GNPTAB: variants seen among roughly 807,000 people sequenced by gnomAD.
GNPTAB encodes the protein N-acetylglucosamine-1-phosphotransferase subunits alpha/beta.
In GNPTAB, 92 loss-of-function variants were observed where a neutral mutation model predicts 136.6. The observed-to-expected ratio is 0.67, with a 90% CI of 0.57 to 0.80. The LOEUF is 0.80. Among genes scored for constraint, GNPTAB ranks in the 30% least tolerant of loss-of-function variants. GNPTAB has a pLI of 0.00. For missense variants in GNPTAB, 1,343 were observed against 1,501.8 expected, an observed-to-expected ratio of 0.89 and a Z score of 1.75; for synonymous variants, 512 against 535.1, an observed-to-expected ratio of 0.96 and a Z score of 0.60.
chr12:101,770,307 G>A, intron 9 of GNPTAB, 99 bp downstream of exon 9: 1 of 1,368,904 alleles, frequency 7.3e-7, no homozygotes, highest in Non-Finnish European at 1.0e-6. Flanking sequence ...AGAAATGGAG[G>A]TAGAAGGGTA....
intron 3 of GNPTAB, 117 bp from the exon 4 acceptor site, chr12:101,788,706 C>A: frequency 1.5e-6 from 1 of 686,638 alleles, no homozygotes; most frequent in Non-Finnish European, 2.7e-6. Flanking sequence ...AACATGGTAC[C>A]AGGCTGTCAG....
intron 1 of GNPTAB, among the ~76,000 whole-genome samples, chr12:101,827,508 T>C (rs1871152121): frequency 6.6e-6 from 1 of 152,076 alleles, no homozygotes; most frequent in Non-Finnish European, 1.5e-5. Flanking sequence ...AGTCCTGGGA[T>C]TACAGGCATG....
chr12:101,811,933 C>T (rs988951547), intron 1 of GNPTAB, among the ~76,000 whole-genome samples: 4 of 150,142 alleles, frequency 2.7e-5, no homozygotes, highest in African/African-American at 7.3e-5. Flanking sequence ...CCGCTGCGTC[C>T]GGCCGGTGCT....
rs1203561820 is a variant in GNPTAB at position 101,757,289 on chromosome 12, T to G, written c.3357A>C (p.Glu1119Asp). The change falls in exon 18 of 21, where the codon GAA (glutamate) becomes GAC (aspartate). Residue 1119 changes from glutamate to aspartate, a missense_variant. By Grantham distance (45) the Glu-to-Asp change is conservative. Coordinates refer to ENST00000299314, the MANE Select transcript of GNPTAB (RefSeq NM_024312.5). The stretch of plus-strand genomic sequence containing the variant: ...TACGAATCATTTTAAAAGCGATTTC[T>G]TCTTCTCCCATGATTTCAAACCTAA... Reference protein sequence around the residue: ...NKYRFEIMGEEEIAFKMIRTN... With the variant: ...NKYRFEIMGEDEIAFKMIRTN... The G allele has an allele frequency of 6.2e-7, 1 of 1,602,638 alleles. No individual in the cohort carries two copies. The highest frequency in any genetic ancestry group is 1.7e-4 in the Middle Eastern group (1 of 6,036).
intron 1 of GNPTAB, among the ~76,000 whole-genome samples, chr12:101,830,001 TACCAAAAA>T (rs1871281478): frequency 1.6e-5 from 1 of 62,766 alleles, no homozygotes; most frequent in Admixed American, 1.7e-4. Flanking sequence ...TGTAACCTCC[TACCAAAAA>T]AAAAAAAAAA....
rs1463401820 is a variant in GNPTAB at position 101,764,750 on chromosome 12, T to C, written c.2167A>G (p.Ile723Val). ...TLDLQLEHGD[I>V]TLKGYNLSKS... ...GACAAATTGTATCCTTTCAAAGTGA[T>C]GTCTCCATGTTCCAGTTGCAAATCC... The change falls in exon 13 of 21, where the codon ATC becomes GTC. Residue 723 changes from isoleucine (I) to valine (V), a missense_variant. Coordinates refer to ENST00000299314, the MANE Select transcript of GNPTAB (RefSeq NM_024312.5). 1.2e-6 allele frequency: 2 copies of C among 1,614,002 alleles called. No individual in the cohort carries two copies.
In GNPTAB at chr12:101,830,907, GGCCGGCGAGGCGGCCGGC is replaced by G. The variant is rs983278016; in HGVS notation, c.-250_-233del. ...CTCGGCGCGGCGGAGGCGGACCTGC[GGCCGGCGAGGCGGCCGGC>G]GCCGCCCGGGTCTGGCCGGGCGAGA... On this transcript the variant is annotated 5_prime_UTR_variant, in exon 1 of 21. Coordinates refer to ENST00000299314, the MANE Select transcript of GNPTAB (RefSeq NM_024312.5). The G allele has an allele frequency of 6.8e-6, 1 of 147,148 alleles. No homozygotes were observed. The highest frequency in any genetic ancestry group is 1.5e-5 in the Non-Finnish European group (1 of 66,396). The allele number at this position is 147,148 out of a possible 1,614,324, so 9.1% of individuals were successfully genotyped here. A position where few individuals can be genotyped will look rare whatever the true frequency, so the allele number is the denominator to read the frequency against.
At position 101,770,040 on chromosome 12, in the gene GNPTAB, C is replaced by T. The variant is rs1221933857; in HGVS notation, c.1265G>A (p.Ser422Asn). The change falls in exon 10 of 21, where the codon AGT (serine) becomes AAT (asparagine). Residue 422 changes from serine (S) to asparagine (N), a missense_variant. Ser to Asn is a conservative substitution (Grantham distance 46, BLOSUM62 1). Transcript: ENST00000299314. ...ACTCACCTTCTGGCCTTTGGAGTGA[C>T]TGTAAAAATCATCTGGCCAGACATC... ...GKDVWPDDFYSHSKGQKVYLT... is the reference protein window; with the variant it reads ...GKDVWPDDFYNHSKGQKVYLT... 6.2e-7 allele frequency: 1 copy of T among 1,614,120 alleles called. No homozygotes were observed. The highest frequency in any genetic ancestry group is 8.5e-7 in the Non-Finnish European group (1 of 1,180,028).
Position 101,770,155 on chromosome 12 carries a change from T to C in GNPTAB, c.1150A>G (p.Ser384Gly). The C allele has an allele frequency of 6.2e-7, 1 of 1,614,096 alleles. No homozygotes were observed. Among genetic ancestry groups the C allele is most frequent in the Non-Finnish European group, 8.5e-7 (1 of 1,180,012 alleles). The change falls in exon 10 of 21, where the codon AGT (serine) becomes GGT (glycine). Residue 384 changes from serine to glycine, a missense_variant. Physicochemically the swap from Ser to Gly is moderately conservative, Grantham distance 56. Coordinates refer to ENST00000299314, the MANE Select transcript of GNPTAB (RefSeq NM_024312.5). ...ATGTGACTTTCAATAGCAGGTGAAC[T>C]AAAGGTAGGCAAGTGGCTCAAATTT... is the stretch of plus-strand genomic sequence containing the variant. ...FRNLSHLPTF[S>G]SPAIESHIHR... is the part of the protein sequence containing the mutation.
At position 101,796,197 on chromosome 12, in the gene GNPTAB, C is replaced by G. The variant is rs118172363; in HGVS notation, c.203+480G>C. On this transcript the variant is annotated intron_variant, in intron 2 of 20. Transcript: ENST00000299314. ...AGAATTCCGGCCAGGGCTCAGAAAC[C>G]GCTGTGTAGTAGCCACCTGGTTTCC... is the stretch of plus-strand genomic sequence containing the variant. 7.1e-6 allele frequency: 5 copies of G among 701,706 alleles called. No individual in the cohort carries two copies. The Admixed American group carries it at 8.0e-5, about 11-fold the overall frequency. The allele number at this position is 701,706 out of a possible 1,614,324, so 43.5% of individuals were successfully genotyped here.
At chr12:101,771,981 G>A (rs1953183225) in intron 7 of GNPTAB, among the ~76,000 whole-genome samples, 1 of 152,264 alleles carries the variant, frequency 6.6e-6, no homozygotes. Context: ...TGTGCCACGT[G>A]CCTGGGAGGA....
chr12:101,775,166 C>T (rs900069871), intron 7 of GNPTAB, among the ~76,000 whole-genome samples: 1 of 152,158 alleles, frequency 6.6e-6, no homozygotes, highest in Non-Finnish European at 1.5e-5. Flanking sequence ...CAAGGCTTTC[C>T]TATTAGAAGT....
At position 101,764,223 on chromosome 12, in the gene GNPTAB, C is replaced by CT. The variant is rs281864999; in HGVS notation, c.2693dup (p.Tyr899ValfsTer21). ...TTACGTCGAGAAGATCTTGGAAATA[C>CT]TTTTTTTTCTCCCATGGCAAAAAGC... On this transcript the variant is annotated frameshift_variant, in exon 13 of 21. Coordinates refer to ENST00000299314, the MANE Select transcript of GNPTAB (RefSeq NM_024312.5). LOFTEE classifies it high-confidence loss of function. The CT allele has an allele frequency of 3.7e-6, 6 of 1,613,724 alleles. No individual in the cohort carries two copies. The highest frequency in any genetic ancestry group is 1.1e-5 in the South Asian group (1 of 91,080).
chr12:101,777,100 A>G (rs1474026934), intron 7 of GNPTAB, among the ~76,000 whole-genome samples: 1 of 151,926 alleles, frequency 6.6e-6, no homozygotes, highest in Non-Finnish European at 1.5e-5. Context: ...AGAAAGGTCC[A>G]CCTCCCCTTT....
At chr12:101,829,608 A>G (rs1262447636) in intron 1 of GNPTAB, among the ~76,000 whole-genome samples, 1 of 152,234 alleles carries the variant, frequency 6.6e-6, no homozygotes, top group Non-Finnish European at 1.5e-5. Flanking sequence ...CACAAAAGCA[A>G]TAAGGCACCT....
chr12:101,808,634 G>C lies in GNPTAB; in HGVS notation c.118-11872C>G, dbSNP rs963364090. 6.6e-5 allele frequency among the ~76,000 whole-genome samples: 10 copies of C among 152,294 alleles called. No individual in the cohort carries two copies. The East Asian group carries it at 1.9e-3, about 29-fold the overall frequency. On this transcript the variant is annotated intron_variant, in intron 1 of 20. Coordinates refer to ENST00000299314, the MANE Select transcript of GNPTAB (RefSeq NM_024312.5). ...AGTAACAATCCATAGGTGAGAAAAA[G>C]ACTGATCAGTTGTACTAATTAAAAA...
At chr12:101,816,797 G>T (rs1870531381) in intron 1 of GNPTAB, among the ~76,000 whole-genome samples, 1 of 152,204 alleles carries the variant, frequency 6.6e-6, no homozygotes, top group African/African-American at 2.4e-5. Context: ...GGCAAGCTAA[G>T]TGTCCATCAA....
chr12:101,826,684 T>C (rs1871098213), intron 1 of GNPTAB, among the ~76,000 whole-genome samples: 1 of 152,068 alleles, frequency 6.6e-6, no homozygotes, highest in Admixed American at 6.5e-5. Flanking sequence ...ATATAAATGG[T>C]TCGATTAAAT....
chr12:101,753,639 TCCCAAGTTGG>T, intron 18 of GNPTAB, 100 bp from the exon 19 acceptor site: 1 of 987,624 alleles, frequency 1.0e-6, no homozygotes, highest in Non-Finnish European at 1.6e-6. Context: ...TGGACTTATG[TCCCAAGTTGG>T]TATATTTGCT....
Sources: gnomAD v4.1 joint callset for allele counts (sites outside exome capture counted in the v4.1 genomes callset) on GRCh38, gnomAD v4.1.1 for gene constraint, MANE v1.5 for transcripts, NCBI Gene and HGNC (gene_info 2026-07-23, HGNC 2026-07-21) for gene names.